Variants in GOSR2 observed in about 807,000 individuals in gnomAD.
GOSR2 encodes the protein 27 kDa Golgi SNARE protein.
A neutral mutation model predicts 27.9 loss-of-function variants in GOSR2; 20 were observed. That is an observed-to-expected ratio of 0.72 (90% CI 0.50 to 1.04). GOSR2 has a LOEUF of 1.04. GOSR2 is among the 50% of genes least tolerant of loss of function. The pLI is 0.00. For missense variants in GOSR2, 261 were observed against 270.5 expected (o/e 0.97, Z 0.25); for synonymous variants, 91 against 98.8 (o/e 0.92, Z 0.47).
Position 46,939,909 on chromosome 17 carries a change from G to A in GOSR2, c.*1149G>A. On this transcript the variant is annotated 3_prime_UTR_variant, in exon 6 of 6. Transcript: ENST00000640051. ...TGAAAGTCTCAGAAAGACCTGGTTAGTGTATGTTCTCATTTACCACAGGCC... is the reference window on the plus strand; with the variant it reads ...TGAAAGTCTCAGAAAGACCTGGTTAATGTATGTTCTCATTTACCACAGGCC... 1.0e-6 allele frequency: 1 copy of A among 998,282 alleles called. No homozygotes were observed. The highest frequency in any genetic ancestry group is 1.2e-6 in the Non-Finnish European group (1 of 836,176). The allele number at this position is 998,282 out of a possible 1,614,324, so 61.8% of individuals were successfully genotyped here.
At chr17:46,945,044 ATAGTT>A (rs762392311), downstream of GOSR2, among the ~76,000 whole-genome samples, 1 of 152,220 alleles carries the variant, frequency 6.6e-6, no homozygotes, top group Non-Finnish European at 1.5e-5. Context: ...TTGAGAGGTG[ATAGTT>A]TAGTGCGGCC....
chr17:46,926,571 A>G (rs960596756), intron 1 of GOSR2, among the ~76,000 whole-genome samples: 1 of 152,114 alleles, frequency 6.6e-6, no homozygotes. Context: ...CTTTTTCCTC[A>G]TGTCCACGCT....
intron 6 of GOSR2, among the ~76,000 whole-genome samples, chr17:46,974,245 G>A (rs2091423089): frequency 6.6e-6 from 1 of 152,228 alleles, no homozygotes; most frequent in Non-Finnish European, 1.5e-5. Flanking sequence ...CGCTGGCCAG[G>A]GCCAGACGCT....
rs2089155934 is a variant in GOSR2, at chr17:46,940,686, C to T, written c.*1926C>T. 5.0e-6 allele frequency: 8 copies of T among 1,611,052 alleles called. No homozygotes were observed. In the Admixed American group the frequency reaches 5.0e-5, roughly 10 times the overall value. On this transcript the variant is annotated 3_prime_UTR_variant, in exon 6 of 6. Coordinates refer to ENST00000640051, the MANE Select transcript of GOSR2 (RefSeq NM_004287.5). ...TGCGTGGACTGATAGGACATCTTTT[C>T]GTGGTGTGCACCAGTGCTTTCCACA...
rs144457797 is a variant in GOSR2 at position 46,941,960 on chromosome 17, A to G, written c.*3200A>G. The G allele has an allele frequency of 1.0e-4, 100 of 985,194 alleles. 2 individuals are homozygous for G. In the East Asian group the frequency reaches 0.01, roughly 100 times the overall value. 61.0% of individuals were successfully genotyped at this position (985,194 alleles called of 1,614,324 possible). ...GAAAGCTTCTGTCTCAAAGATGATC[A>G]CATTGGTGTAAAGAGCAAAACTTGT... On this transcript the variant is annotated 3_prime_UTR_variant, in exon 6 of 6. Coordinates refer to ENST00000640051, the MANE Select transcript of GOSR2 (RefSeq NM_004287.5).
downstream of GOSR2, among the ~76,000 whole-genome samples, chr17:46,970,166 G>C (rs886325782): frequency 2.6e-5 from 4 of 152,116 alleles, no homozygotes; most frequent in Admixed American, 2.6e-4. Flanking sequence ...TCCATCCCAC[G>C]GCTGTCCTGC....
downstream of GOSR2, among the ~76,000 whole-genome samples, chr17:46,945,667 C>A (rs1041128602): frequency 6.6e-6 from 1 of 152,168 alleles, no homozygotes; most frequent in Non-Finnish European, 1.5e-5. Flanking sequence ...CACATTCTTT[C>A]AACCAAGACC....
rs141380070 is a variant in GOSR2, at chr17:46,932,109, T to C, written c.246T>C (p.Thr82=). 1.7e-5 allele frequency: 28 copies of C among 1,613,506 alleles called. No homozygotes were observed. The African/African-American group carries it at 2.9e-4, about 17-fold the overall frequency. ...AGTATGATGTCCAGCACCTGCAGAC[T>C]GCGCTCAGAAACTTCCAGCATCGGC... ...QLKYDVQHLQ[T]ALRNFQHRRH... is the part of the protein sequence containing the mutation. The change falls in exon 4 of 6, where the codon ACT becomes ACC. Residue 82 remains threonine, a synonymous_variant. Coordinates refer to ENST00000640051, the MANE Select transcript of GOSR2 (RefSeq NM_004287.5).
Position 46,923,206 on chromosome 17 carries a change from T to C in GOSR2, c.14T>C (p.Phe5Ser). 6.5e-7 allele frequency: 1 copy of C among 1,549,786 alleles called. No homozygotes were observed. The highest frequency in any genetic ancestry group is 8.7e-7 in the Non-Finnish European group (1 of 1,145,360). The change falls in exon 1 of 6, where the codon TTC becomes TCC. Residue 5 changes from phenylalanine (F) to serine (S), a missense_variant. Transcript: ENST00000640051. Reference protein sequence around the residue: MDPLFQQTHKQVHEI... With the variant: MDPLSQQTHKQVHEI... Reference sequence around the variant, plus strand: ...GGGGCCGGCGACATGGATCCCCTGTTCCAGCAAACGCACAAGTGAGGGCCG... The same window carrying C: ...GGGGCCGGCGACATGGATCCCCTGTCCCAGCAAACGCACAAGTGAGGGCCG...
chr17:46,938,089 C>T (rs1255554617), intron 5 of GOSR2: 2 of 199,380 alleles, frequency 1.0e-5, no homozygotes, highest in Admixed American at 1.1e-4. Context: ...TCTCGAAATC[C>T]TGGCCTCAAG....
chr17:46,973,052 G>C (rs2147347249), intron 6 of GOSR2: 1 of 149,902 alleles, frequency 6.7e-6, no homozygotes, highest in Non-Finnish European at 1.5e-5. Context: ...AGCATCCTTG[G>C]AATCTGCACT....
At chr17:46,932,544 T>G (rs1353877975) in intron 4 of GOSR2, 1 of 523,852 alleles carries the variant, frequency 1.9e-6, no homozygotes, top group East Asian at 3.1e-5. Flanking sequence ...TTAGGCCATT[T>G]GTAGAGAAGG....
chr17:46,944,318 T>C (rs2147137935), downstream of GOSR2, among the ~76,000 whole-genome samples: 1 of 152,356 alleles, frequency 6.6e-6, no homozygotes, highest in Non-Finnish European at 1.5e-5. Flanking sequence ...ATGCAGAGCC[T>C]GGCTTCAAGT....
chr17:46,936,811 C>T (rs2088464526), intron 5 of GOSR2: 1 of 984,260 alleles, frequency 1.0e-6, no homozygotes, highest in Admixed American at 6.2e-5. Flanking sequence ...TTTCTCTGAT[C>T]TCTGATGGCA....
At chr17:46,934,961 CAG>C (rs1351730447) in intron 4 of GOSR2, 66 bp from the exon 5 acceptor site, 46 of 1,440,482 alleles carry the variant, frequency 3.2e-5, no homozygotes, top group South Asian at 2.3e-5. Flanking sequence ...GGCCAAAAGA[CAG>C]AGCAGTGAGA....
At chr17:46,970,535 CAAAAAAAAAAAAAA>C (rs58781204), downstream of GOSR2, among the ~76,000 whole-genome samples, 2 of 51,168 alleles carry the variant, frequency 3.9e-5, no homozygotes, top group African/African-American at 1.4e-4. Flanking sequence ...GACTCCATCT[CAAAAAAAAAAAAAA>C]AAAAAAAAAA....
intron 6 of GOSR2, among the ~76,000 whole-genome samples, chr17:46,958,687 C>A (rs2090879959): frequency 6.6e-6 from 1 of 152,212 alleles, no homozygotes; most frequent in African/African-American, 2.4e-5. Context: ...CAAGAGTTCT[C>A]CCTAGCCTCC....
chr17:46,971,323 C>T (rs979087558), downstream of GOSR2, among the ~76,000 whole-genome samples: 8 of 152,010 alleles, frequency 5.3e-5, no homozygotes, highest in East Asian at 7.7e-4. Flanking sequence ...GGCAACAGAG[C>T]GAGACTCCTT....
chr17:46,963,780 G>A (rs1217536554), intron 6 of GOSR2: 1 of 152,144 alleles, frequency 6.6e-6, no homozygotes, highest in African/African-American at 2.4e-5. Context: ...TTTTGGAGAG[G>A]TGGGGACTGG....
Sources: gnomAD v4.1 joint callset for allele counts (sites outside exome capture counted in the v4.1 genomes callset) on GRCh38, gnomAD v4.1.1 for gene constraint, MANE v1.5 for transcripts, NCBI Gene and HGNC (gene_info 2026-07-23, HGNC 2026-07-21) for gene names.